THRB: variants seen among roughly 807,000 people sequenced by gnomAD.
THRB encodes the protein nuclear receptor subfamily 1 group A member 2.
In THRB, 12 loss-of-function variants were observed where a neutral mutation model predicts 47.8. The observed-to-expected ratio is 0.25, with a 90% confidence interval of 0.16 to 0.41. The LOEUF is 0.41. Among genes scored for constraint, THRB ranks in the 10% least tolerant of loss-of-function variants. THRB has a pLI of 1.00. For missense variants in THRB, 348 were observed against 589.2 expected, an observed-to-expected ratio of 0.59 and a Z score of 4.24; for synonymous variants, 218 against 212.2, an observed-to-expected ratio of 1.03 and a Z score of -0.24.
At chr3:24,181,941 C>T (rs543840228) in intron 5 of THRB, among the ~76,000 whole-genome samples, 3 of 152,154 alleles carry the variant, frequency 2.0e-5, no homozygotes, top group Non-Finnish European at 4.4e-5. Flanking sequence ...GTGGCTCGTG[C>T]CTGTAATCCC....
intron 2 of THRB, among the ~76,000 whole-genome samples, chr3:24,303,353 C>T (rs938622305): frequency 1.3e-5 from 2 of 152,174 alleles, no homozygotes. Context: ...GTGCTTCTCA[C>T]ACTAGACTTG....
intron 1 of THRB, among the ~76,000 whole-genome samples, chr3:24,469,783 G>A (rs546621846): frequency 2.0e-5 from 3 of 152,302 alleles, no homozygotes; most frequent in African/African-American, 4.8e-5. Flanking sequence ...AGTGAGGTAC[G>A]AGTAAAGAAT....
At chr3:24,288,634 C>T (rs181201946) in intron 3 of THRB, among the ~76,000 whole-genome samples, 4 of 152,140 alleles carry the variant, frequency 2.6e-5, no homozygotes, top group Non-Finnish European at 1.5e-5. Flanking sequence ...CTTTTTCTGC[C>T]GATATAAGCA....
intron 1 of THRB, among the ~76,000 whole-genome samples, chr3:24,378,654 G>T (rs1054817530): frequency 2.6e-5 from 4 of 152,102 alleles, no homozygotes; most frequent in Admixed American, 2.6e-4. Context: ...GTTGAGAAAG[G>T]CTTCAGGGAG....
chr3:24,478,226 A>G (rs1163680753), intron 1 of THRB, among the ~76,000 whole-genome samples: 1 of 152,116 alleles, frequency 6.6e-6, no homozygotes, highest in African/African-American at 2.4e-5. Flanking sequence ...GAGTATGCAT[A>G]TATTGATAAA....
chr3:24,278,810 C>T (rs2054208561), intron 3 of THRB, among the ~76,000 whole-genome samples: 1 of 152,164 alleles, frequency 6.6e-6, no homozygotes, highest in Non-Finnish European at 1.5e-5. Context: ...GATGAATATG[C>T]ACCATTCATT....
intron 5 of THRB, among the ~76,000 whole-genome samples, chr3:24,168,606 T>A (rs1311100286): frequency 6.6e-6 from 1 of 151,654 alleles, no homozygotes; most frequent in Non-Finnish European, 1.5e-5. Context: ...GTTATTTACA[T>A]AAGTAGCAAC....
intron 3 of THRB, among the ~76,000 whole-genome samples, chr3:24,258,394 A>C (rs1485422692): frequency 2.0e-5 from 3 of 152,044 alleles, no homozygotes; most frequent in Non-Finnish European, 4.4e-5. Flanking sequence ...CAAACAAACA[A>C]GTGGAGCTTC....
chr3:24,404,267 A>T (rs1332863101), intron 1 of THRB, among the ~76,000 whole-genome samples: 1 of 151,938 alleles, frequency 6.6e-6, no homozygotes, highest in African/African-American at 2.4e-5. Flanking sequence ...AGATAAACAA[A>T]TGGATTTTAA....
Position 24,269,442 on chromosome 3 carries a change from C to CACATATACAT in THRB, c.-43+27783_-43+27784insATGTATATGT, listed in dbSNP as rs58200122. ...ACACACACACACACACACACACACA[C>CACATATACAT]TTAAGTTATCTTCGCTGTGTTGTCC... is the stretch of plus-strand genomic sequence containing the variant. On this transcript the variant is annotated intron_variant, in intron 3 of 10. Coordinates refer to ENST00000646209, the MANE Select transcript of THRB (RefSeq NM_001354712.2). 2.7e-3 allele frequency among the ~76,000 whole-genome samples: 380 copies of CACATATACAT among 141,064 alleles called. 5 individuals carry two copies. The highest frequency in any genetic ancestry group is 8.8e-3 in the African/African-American group (322 of 36,522). The allele number at this position is 141,064 out of a possible 152,430, so 92.5% of individuals were successfully genotyped here.
At chr3:24,202,792 G>C (rs1293339151) in intron 4 of THRB, among the ~76,000 whole-genome samples, 1 of 152,196 alleles carries the variant, frequency 6.6e-6, no homozygotes, top group Non-Finnish European at 1.5e-5. Flanking sequence ...TTGGCTGAGA[G>C]AGCAAAAGAT....
chr3:24,374,216 C>A (rs1284208174), intron 1 of THRB, among the ~76,000 whole-genome samples: 1 of 151,258 alleles, frequency 6.6e-6, no homozygotes, highest in African/African-American at 2.4e-5. Context: ...TTGTACTATG[C>A]TATATTAATG....
chr3:24,433,330 T>C (rs2125306270), intron 1 of THRB, among the ~76,000 whole-genome samples: 1 of 152,240 alleles, frequency 6.6e-6, no homozygotes, highest in Admixed American at 6.5e-5. Context: ...AGTATGGTCA[T>C]AAAATTCCTT....
chr3:24,309,247 T>C, intron 2 of THRB, among the ~76,000 whole-genome samples: 1 of 152,216 alleles, frequency 6.6e-6, no homozygotes, highest in Non-Finnish European at 1.5e-5. Flanking sequence ...TGTTTTACAT[T>C]GATTCATGCA....
intron 4 of THRB, among the ~76,000 whole-genome samples, chr3:24,228,721 C>A (rs2047945102): frequency 6.6e-6 from 1 of 151,318 alleles, no homozygotes; most frequent in Non-Finnish European, 1.5e-5. Flanking sequence ...AATGAATAGT[C>A]ATTTCCTCTC....
At chr3:24,226,283 G>C (rs1356482141) in intron 4 of THRB, among the ~76,000 whole-genome samples, 1 of 152,120 alleles carries the variant, frequency 6.6e-6, no homozygotes, top group Non-Finnish European at 1.5e-5. Flanking sequence ...ACTTAGTTCT[G>C]ACAGCTTATA....
At chr3:24,347,621 T>A (rs989093253) in intron 1 of THRB, among the ~76,000 whole-genome samples, 3 of 150,786 alleles carry the variant, frequency 2.0e-5, no homozygotes, top group East Asian at 1.9e-4. Context: ...TTAAAATTTT[T>A]AAAAAATTTC....
intron 2 of THRB, among the ~76,000 whole-genome samples, chr3:24,331,773 A>G (rs1176087704): frequency 2.6e-5 from 4 of 152,020 alleles, no homozygotes; most frequent in Non-Finnish European, 2.9e-5. Context: ...AATTTACTCT[A>G]CAAATTTGAT....
At chr3:24,134,247 G>C (rs928200205) in intron 8 of THRB, among the ~76,000 whole-genome samples, 1 of 152,030 alleles carries the variant, frequency 6.6e-6, no homozygotes, top group African/African-American at 2.4e-5. Flanking sequence ...AAGACCTCCA[G>C]GTGACTTATA....
Sources: allele counts gnomAD v4.1 joint callset (sites outside exome capture counted in the v4.1 genomes callset), GRCh38; gene constraint gnomAD v4.1.1; transcripts MANE v1.5; gene names NCBI Gene and HGNC (gene_info 2026-07-23, HGNC 2026-07-21).